Variants in DHRS7B observed in about 807,000 individuals in gnomAD.
DHRS7B encodes dehydrogenase/reductase 7B, also known as peroxisomal reductase activating PPAR-gamma.
A neutral mutation model predicts 26.4 loss-of-function variants in DHRS7B; 24 were observed. The observed-to-expected ratio is 0.91, with a 90% CI of 0.66 to 1.28. The LOEUF is 1.28. DHRS7B is among the 50% of genes most tolerant of loss of function. DHRS7B has a pLI of 0.00. For missense variants in DHRS7B, 368 were observed against 419.4 expected, an observed-to-expected ratio of 0.88 and a Z score of 1.07; for synonymous variants, 142 against 166.4, an observed-to-expected ratio of 0.85 and a Z score of 1.13.
At chr17:21,138,095 T>TACACACACACACAC (rs1395026542) in intron 1 of DHRS7B, among the ~76,000 whole-genome samples, 32 of 81,644 alleles carry the variant, frequency 3.9e-4, no homozygotes, top group African/African-American at 1.1e-3. Context: ...TATATATATA[T>TACACACACACACAC]ATATATACAC....
chr17:21,131,156 C>G (rs1973221932), intron 1 of DHRS7B, among the ~76,000 whole-genome samples: 1 of 152,110 alleles, frequency 6.6e-6, no homozygotes, highest in African/African-American at 2.4e-5. Context: ...TGAGGCCAAT[C>G]CATAGAGAAA....
At chr17:21,175,639 T>C (rs1265291108) in intron 2 of DHRS7B, among the ~76,000 whole-genome samples, 1 of 152,156 alleles carries the variant, frequency 6.6e-6, no homozygotes, top group African/African-American at 2.4e-5. Flanking sequence ...CAGGAGTGCC[T>C]CTTTAAACCA....
intron 1 of DHRS7B, among the ~76,000 whole-genome samples, chr17:21,141,640 A>AAAAAAAACAAG: frequency 4.4e-5 from 4 of 90,078 alleles, no homozygotes; most frequent in Non-Finnish European, 6.2e-5. Context: ...AAAAAAAAAA[A>AAAAAAAACAAG]CAACCTCATC....
chr17:21,188,863 G>C lies in DHRS7B; in HGVS notation c.772G>C (p.Val258Leu), dbSNP rs1974712322. 1 of 1,614,190 alleles carries C rather than the reference G, an allele frequency of 6.2e-7. No homozygotes were observed. Among genetic ancestry groups the C allele is most frequent in the Non-Finnish European group, 8.5e-7 (1 of 1,180,030 alleles). ...CACCGCGGATGGATCTAGGTATGGA[G>C]GTGAGGCCCGGTTTCTCTTTTCTCC... ...AITADGSRYG[V>L]MDTTTAQGRS... The change falls in exon 6 of 7, where the codon GTT becomes CTT. Residue 258 changes from valine to leucine, a missense_variant and splice_region_variant. By Grantham distance (32) the Val-to-Leu change is conservative (BLOSUM62 1). Coordinates refer to ENST00000395511, the MANE Select transcript of DHRS7B (RefSeq NM_015510.5).
At chr17:21,183,955 G>A (rs1974572536) in intron 4 of DHRS7B, 145 bp downstream of exon 4, 5 of 717,474 alleles carry the variant, frequency 7.0e-6, no homozygotes, top group Non-Finnish European at 1.2e-5. Context: ...TACAGTTTGG[G>A]TATTTGCTTT....
rs147564700 is a variant in DHRS7B, at chr17:21,169,520, AG to A, written c.21-2496del. Among the ~76,000 whole-genome samples the A allele has an allele frequency of 2.5e-3, 378 of 152,254 alleles. 6 individuals carry two copies. In the East Asian group the frequency reaches 0.035, roughly 14 times the overall value. ...CCCAGGGCAGTGAGGCCCCTTTGCC[AG>A]GCTGCCAAGTGACTGGGCCAGGGTG... On this transcript the variant is annotated intron_variant, in intron 1 of 6. Transcript: ENST00000395511.
intron 1 of DHRS7B, among the ~76,000 whole-genome samples, chr17:21,141,430 C>T (rs1319683071): frequency 1.3e-5 from 2 of 151,910 alleles, no homozygotes; most frequent in Non-Finnish European, 2.9e-5. Context: ...TTAACAACTT[C>T]AGACAGGAAC....
intron 3 of DHRS7B, among the ~76,000 whole-genome samples, chr17:21,180,073 C>CTTTT (rs59348588): frequency 8.2e-6 from 1 of 121,918 alleles, no homozygotes; most frequent in Non-Finnish European, 1.7e-5. Flanking sequence ...AGCCCACTTT[C>CTTTT]TTTTTTTTTT....
At chr17:21,172,807 T>A (rs1395669646) in intron 2 of DHRS7B, among the ~76,000 whole-genome samples, 2 of 152,152 alleles carry the variant, frequency 1.3e-5, no homozygotes, top group Non-Finnish European at 2.9e-5. Context: ...AGCTTCTAAG[T>A]CTCAGGAATG....
At chr17:21,189,808 T>G (rs756226825) in intron 6 of DHRS7B, among the ~76,000 whole-genome samples, 2 of 152,232 alleles carry the variant, frequency 1.3e-5, no homozygotes, top group Non-Finnish European at 2.9e-5. Flanking sequence ...TTCCTACTTT[T>G]CTGCATTAAC....
At chr17:21,187,151 A>G (rs1183802553) in intron 5 of DHRS7B, among the ~76,000 whole-genome samples, 1 of 150,524 alleles carries the variant, frequency 6.6e-6, no homozygotes, top group African/African-American at 2.4e-5. Flanking sequence ...GAATATACGT[A>G]GAATATATTT....
intron 1 of DHRS7B, among the ~76,000 whole-genome samples, chr17:21,153,341 A>C (rs965895414): frequency 2.0e-5 from 3 of 152,208 alleles, no homozygotes; most frequent in Non-Finnish European, 4.4e-5. Context: ...AACTTCCAAA[A>C]CTTAAAAGCA....
chr17:21,146,607 G>C (rs1973649707), intron 1 of DHRS7B, among the ~76,000 whole-genome samples: 1 of 152,180 alleles, frequency 6.6e-6, no homozygotes, highest in Non-Finnish European at 1.5e-5. Flanking sequence ...GCTATATCAA[G>C]CATTTGAAAT....
intron 5 of DHRS7B, among the ~76,000 whole-genome samples, chr17:21,188,109 C>G (rs1200315454): frequency 6.6e-6 from 1 of 152,130 alleles, no homozygotes; most frequent in African/African-American, 2.4e-5. Flanking sequence ...CTTGGCCTCC[C>G]AAAGTGCTGG....
chr17:21,128,899 C>T (rs1007555352), intron 1 of DHRS7B: 1 of 145,500 alleles, frequency 6.9e-6, no homozygotes, highest in Non-Finnish European at 1.5e-5. Flanking sequence ...AAAAAAGTGA[C>T]ACCCTGTCTC....
chr17:21,138,258 C>T (rs1973411421), intron 1 of DHRS7B, among the ~76,000 whole-genome samples: 1 of 115,498 alleles, frequency 8.7e-6, no homozygotes, highest in Non-Finnish European at 1.7e-5. Context: ...TCTCTGTTGC[C>T]TACACTGGAG....
At chr17:21,184,240 C>G in intron 4 of DHRS7B, 131 bp from the exon 5 acceptor site, 1 of 767,618 alleles carries the variant, frequency 1.3e-6, no homozygotes, top group Admixed American at 2.8e-5. Flanking sequence ...CAACATAGTC[C>G]TCTACCCTAA....
rs181679257 is a variant in DHRS7B, at chr17:21,167,316, C to T, written c.21-4702C>T. On this transcript the variant is annotated intron_variant, in intron 1 of 6. Transcript: ENST00000395511. ...ACTCTGGCTGCCCGGGCCCAAGGAA[C>T]CCTCACCCTTAGCGGGACTTTGCTA... 1.7e-4 allele frequency among the ~76,000 whole-genome samples: 26 copies of T among 152,246 alleles called. No individual in the cohort carries two copies. In the East Asian group the frequency reaches 5.0e-3, roughly 29 times the overall value.
intron 3 of DHRS7B, among the ~76,000 whole-genome samples, chr17:21,183,119 G>A (rs906474708): frequency 1.1e-4 from 17 of 152,092 alleles, no homozygotes; most frequent in African/African-American, 3.9e-4. Context: ...TAGGTAATTT[G>A]TGTTTTTCAA....
Sources: gnomAD v4.1 joint callset for allele counts (sites outside exome capture counted in the v4.1 genomes callset) on GRCh38, gnomAD v4.1.1 for gene constraint, MANE v1.5 for transcripts, NCBI Gene and HGNC (gene_info 2026-07-23, HGNC 2026-07-21) for gene names.